The following CCSER1 variants were observed in gnomAD, a reference collection of about 807,000 sequenced individuals.
CCSER1 encodes serine-rich coiled-coil domain-containing protein 1.
Under a neutral mutation model 82.0 loss-of-function variants are expected in CCSER1, and 41 were observed. The ratio of observed to expected loss-of-function variants is 0.50; its 90% CI spans 0.39 to 0.65. The LOEUF (loss-of-function observed/expected upper bound fraction) is 0.65, where lower values mean the gene tolerates loss of function less well. Ranked by LOEUF, CCSER1 falls within the 30% of genes least tolerant of loss-of-function variation. The pLI, the probability that CCSER1 is intolerant of heterozygous loss-of-function variation, is 0.00. For missense variants in CCSER1, 1,119 were observed against 1,064.2 expected (o/e 1.05, Z -0.72); for synonymous variants, 414 against 383.9 (o/e 1.08, Z -0.92).
chr4:91,169,981 T>C (rs1289419249), intron 10 of CCSER1, among the ~76,000 whole-genome samples: 1 of 152,184 alleles, frequency 6.6e-6, no homozygotes, highest in Non-Finnish European at 1.5e-5. Flanking sequence ...CAAATACAAG[T>C]TGAAACCTCT....
chr4:90,899,298 A>T (rs1479833980), intron 8 of CCSER1, among the ~76,000 whole-genome samples: 3 of 152,076 alleles, frequency 2.0e-5, no homozygotes, highest in African/African-American at 7.2e-5. Context: ...TGGGTACATT[A>T]ATTTATGTCC....
chr4:91,058,928 G>T (rs71597223), intron 9 of CCSER1, among the ~76,000 whole-genome samples: 2,181 of 152,054 alleles, frequency 0.014, 25 homozygotes, highest in Non-Finnish European at 0.023. Flanking sequence ...GAAGACTTTA[G>T]AAGGCTGATC....
intron 10 of CCSER1, among the ~76,000 whole-genome samples, chr4:91,477,076 T>C (rs1336627958): frequency 6.6e-6 from 1 of 151,580 alleles, no homozygotes; most frequent in Non-Finnish European, 1.5e-5. Flanking sequence ...ATGGATTACA[T>C]CATGCTAAAA....
intron 7 of CCSER1, among the ~76,000 whole-genome samples, chr4:90,741,658 C>G (rs907233262): frequency 1.2e-4 from 19 of 152,130 alleles, no homozygotes; most frequent in Non-Finnish European, 1.9e-4. Flanking sequence ...CTCCATTATA[C>G]TCATTTTTAT....
intron 4 of CCSER1, among the ~76,000 whole-genome samples, chr4:90,453,094 C>A (rs952217835): frequency 1.3e-5 from 2 of 152,188 alleles, no homozygotes; most frequent in African/African-American, 4.8e-5. Context: ...CACACCTTCT[C>A]AAACAGGTGG....
chr4:90,481,169 GCTCT>G (rs957159989), intron 5 of CCSER1, among the ~76,000 whole-genome samples: 24 of 151,700 alleles, frequency 1.6e-4, no homozygotes, highest in African/African-American at 5.6e-4. Context: ...TCATGATTTG[GCTCT>G]CTGTTATTGG....
At chr4:90,220,456 G>T (rs1055943338) in intron 1 of CCSER1, among the ~76,000 whole-genome samples, 2 of 150,428 alleles carry the variant, frequency 1.3e-5, no homozygotes, top group Non-Finnish European at 3.0e-5. Flanking sequence ...ATTTCTTTTT[G>T]ATTTGCTTTT....
intron 10 of CCSER1, among the ~76,000 whole-genome samples, chr4:91,305,064 T>C (rs1348352626): frequency 6.6e-6 from 1 of 152,028 alleles, no homozygotes; most frequent in East Asian, 1.9e-4. Flanking sequence ...AGGAATAATT[T>C]GAATCTTTTC....
intron 9 of CCSER1, among the ~76,000 whole-genome samples, chr4:90,924,872 AC>A (rs1728857167): frequency 6.6e-6 from 1 of 151,894 alleles, no homozygotes; most frequent in African/African-American, 2.4e-5. Flanking sequence ...GATTGCAAGC[AC>A]CCGTCATCAC....
chr4:90,845,542 A>G (rs1191241274), intron 8 of CCSER1, among the ~76,000 whole-genome samples: 1 of 152,118 alleles, frequency 6.6e-6, no homozygotes, highest in African/African-American at 2.4e-5. Context: ...CATAATCAAA[A>G]GAGTTCCCTG....
chr4:91,515,236 A>C (rs1253556619), intron 10 of CCSER1, among the ~76,000 whole-genome samples: 2 of 152,078 alleles, frequency 1.3e-5, no homozygotes, highest in African/African-American at 4.8e-5. Context: ...TCAGGGGTAC[A>C]TGTGCAGGTT....
intron 5 of CCSER1, among the ~76,000 whole-genome samples, chr4:90,547,824 A>C (rs907664321): frequency 6.6e-6 from 1 of 152,164 alleles, no homozygotes; most frequent in Non-Finnish European, 1.5e-5. Context: ...ATTGACTTCA[A>C]TTCAGAGGAA....
chr4:91,444,381 A>C lies in CCSER1; in HGVS notation c.2218-154191A>C, dbSNP rs545630130. Reference sequence around the variant, plus strand: ...AATGTCTAATGATGTAATCATCAATAATAGGAAAGCAAAGTGATGCAAGAT... The same window carrying C: ...AATGTCTAATGATGTAATCATCAATCATAGGAAAGCAAAGTGATGCAAGAT... On this transcript the variant is annotated intron_variant, in intron 10 of 10. Transcript: ENST00000509176. Among the ~76,000 whole-genome samples the C allele has an allele frequency of 2.0e-3, 306 of 152,290 alleles. 2 individuals carry two copies. Among genetic ancestry groups the C allele is most frequent in the Non-Finnish European group, 2.9e-3 (199 of 68,022 alleles).
At chr4:90,234,413 C>T (rs1745364542) in intron 1 of CCSER1, among the ~76,000 whole-genome samples, 1 of 152,144 alleles carries the variant, frequency 6.6e-6, no homozygotes, top group Non-Finnish European at 1.5e-5. Context: ...GATGAGGTTT[C>T]ACTACGTTGG....
At chr4:91,506,151 TG>T (rs1300463799) in intron 10 of CCSER1, among the ~76,000 whole-genome samples, 32 of 152,218 alleles carry the variant, frequency 2.1e-4, no homozygotes, top group African/African-American at 7.5e-4. Flanking sequence ...TTTCTGCATA[TG>T]GCTAGCCAGT....
chr4:90,214,354 G>T (rs2153416446), intron 1 of CCSER1, among the ~76,000 whole-genome samples: 1 of 152,256 alleles, frequency 6.6e-6, no homozygotes, highest in African/African-American at 2.4e-5. Flanking sequence ...AGGTGTTGGA[G>T]GTTTGAGAGG....
At chr4:90,549,109 T>A (rs1226222846) in intron 5 of CCSER1, among the ~76,000 whole-genome samples, 1 of 152,164 alleles carries the variant, frequency 6.6e-6, no homozygotes, top group East Asian at 1.9e-4. Context: ...ACCACAATAG[T>A]GTGAGCATTT....
intron 4 of CCSER1, among the ~76,000 whole-genome samples, chr4:90,438,672 G>C (rs181823845): frequency 1.3e-5 from 2 of 152,180 alleles, no homozygotes; most frequent in African/African-American, 4.8e-5. Flanking sequence ...CATACACAAA[G>C]ATTTATTGAA....
intron 3 of CCSER1, among the ~76,000 whole-genome samples, chr4:90,359,087 A>AGAT (rs1319921428): frequency 6.6e-6 from 1 of 152,184 alleles, no homozygotes; most frequent in African/African-American, 2.4e-5. Context: ...TTCAGAGAGA[A>AGAT]GATATGACAG....
Sources: gnomAD v4.1 joint callset for allele counts (sites outside exome capture counted in the v4.1 genomes callset) on GRCh38, gnomAD v4.1.1 for gene constraint, MANE v1.5 for transcripts, NCBI Gene and HGNC (gene_info 2026-07-23, HGNC 2026-07-21) for gene names.